NFASC: variants seen among roughly 807,000 people sequenced by gnomAD.
NFASC encodes the protein neurofascin homolog.
In NFASC, 43 loss-of-function variants were observed where a neutral mutation model predicts 147.5. The observed-to-expected ratio is 0.29, with a 90% CI of 0.23 to 0.38. The LOEUF is 0.38. Ranked by LOEUF, NFASC falls within the 10% of genes least tolerant of loss-of-function variation. The probability of loss-of-function intolerance (pLI) is 1.00; values close to 1 mark genes in which losing one functional copy is unlikely to be tolerated. For synonymous variants in NFASC, 622 were observed against 665.5 expected (o/e 0.93, Z 1.01); for missense variants, 1,320 against 1,689.0 (o/e 0.78, Z 3.83).
At position 204,993,708 on chromosome 1, in the gene NFASC, C is replaced by T. The variant is rs528633641; in HGVS notation, c.2782+2402C>T. ...CTGATGGTCTCCACTGAGCACTGGC[C>T]AGGATTGCTTCCAAACCTGTAGCTC... On this transcript the variant is annotated intron_variant, in intron 24 of 29. Transcript: ENST00000339876. The T allele has an allele frequency of 6.8e-4, 346 of 506,394 alleles. 1 individual carries two copies. The highest frequency in any genetic ancestry group is 4.2e-3 in the Middle Eastern group (13 of 3,120). 31.4% of individuals were successfully genotyped at this position (506,394 alleles called of 1,614,324 possible).
At chr1:204,915,233 A>G (rs2088891467) in intron 1 of NFASC, among the ~76,000 whole-genome samples, 2 of 152,218 alleles carry the variant, frequency 1.3e-5, no homozygotes, top group Non-Finnish European at 2.9e-5. Flanking sequence ...GTGAGCCAAG[A>G]TAGCACCACT....
chr1:204,852,205 A>G (rs2075757625), intron 1 of NFASC, among the ~76,000 whole-genome samples: 1 of 152,172 alleles, frequency 6.6e-6, no homozygotes, highest in Non-Finnish European at 1.5e-5. Flanking sequence ...CCCCAAATAG[A>G]AAGTGGAGTA....
At position 204,857,916 on chromosome 1, in the gene NFASC, C is replaced by CTTTTTTTTT. The variant is rs777663775; in HGVS notation, c.-200+29136_-200+29137insTTTTTTTTT. 2.2e-4 allele frequency among the ~76,000 whole-genome samples: 30 copies of CTTTTTTTTT among 133,686 alleles called. 2 individuals carry two copies. Among genetic ancestry groups the CTTTTTTTTT allele is most frequent in the African/African-American group, 6.7e-4 (22 of 32,930 alleles). The allele number at this position is 133,686 out of a possible 152,430, so 87.7% of individuals were successfully genotyped here. ...TCTGTGTCCTAGTCTCCTTCTTCTT[C>CTTTTTTTTT]TTCTTTTTTTTTTTTTTTTTGAGAT... On this transcript the variant is annotated intron_variant, in intron 1 of 29. Transcript: ENST00000339876.
At chr1:204,957,556 G>A (rs541754263) in intron 7 of NFASC, 100 bp from the exon 8 acceptor site, 25 of 1,096,960 alleles carry the variant, frequency 2.3e-5, no homozygotes, top group South Asian at 1.1e-4. Flanking sequence ...GCTCCTGGTC[G>A]CCACCTGACC....
At chr1:204,918,584 C>CTT (rs71147720) in intron 1 of NFASC, among the ~76,000 whole-genome samples, 1,300 of 124,762 alleles carry the variant, frequency 0.01, 38 homozygotes, top group African/African-American at 0.023. Context: ...TTCTTTGAAA[C>CTT]TTTTTTTTTT....
chr1:204,905,999 C>T (rs1273925822), intron 1 of NFASC, among the ~76,000 whole-genome samples: 2 of 152,174 alleles, frequency 1.3e-5, no homozygotes, highest in Admixed American at 6.5e-5. Flanking sequence ...ATTTCCCAGA[C>T]CACCAATGTG....
chr1:204,968,383 C>T lies in NFASC; in HGVS notation c.818+23C>T, dbSNP rs1037945182. 4.5e-6 allele frequency: 7 copies of T among 1,557,224 alleles called. No homozygotes were observed. In the African/African-American group the frequency reaches 8.1e-5, roughly 18 times the overall value. On this transcript the variant is annotated intron_variant, in intron 9 of 29. Coordinates refer to ENST00000339876, the MANE Select transcript of NFASC (RefSeq NM_001005388.3). The surrounding 1 kb of genome is among the most constrained non-coding windows in gnomAD (Gnocchi z 5.4). Reference sequence around the variant, plus strand: ...GGTGTATGTGCGGTTTGCAGCCCCTCTTCTAGCCACCCTCCAGGAGGATGG... The same window carrying T: ...GGTGTATGTGCGGTTTGCAGCCCCTTTTCTAGCCACCCTCCAGGAGGATGG...
chr1:204,982,494 G>T (rs1187654475), intron 21 of NFASC, among the ~76,000 whole-genome samples: 1 of 152,214 alleles, frequency 6.6e-6, no homozygotes, highest in East Asian at 1.9e-4. Flanking sequence ...AGCCTTGAGG[G>T]ATCAGGAGGC....
intron 1 of NFASC, among the ~76,000 whole-genome samples, chr1:204,904,185 C>T (rs1053204294): frequency 2.0e-5 from 3 of 152,212 alleles, no homozygotes; most frequent in African/African-American, 4.8e-5. Context: ...ACAGCCTCCA[C>T]CTCCCAGCCT....
intron 2 of NFASC, among the ~76,000 whole-genome samples, chr1:204,941,609 G>C (rs1415877022): frequency 3.3e-5 from 5 of 152,148 alleles, no homozygotes; most frequent in Non-Finnish European, 4.4e-5. Flanking sequence ...CAGCACTAAG[G>C]GTTCAGTTGC....
intron 2 of NFASC, among the ~76,000 whole-genome samples, chr1:204,937,121 A>G (rs999538740): frequency 2.6e-5 from 4 of 151,852 alleles, no homozygotes; most frequent in African/African-American, 9.7e-5. Context: ...ACTTTATTAC[A>G]TCACATCAAT....
chr1:204,873,345 C>T (rs2078094774), intron 1 of NFASC, among the ~76,000 whole-genome samples: 2 of 152,144 alleles, frequency 1.3e-5, no homozygotes, highest in South Asian at 4.1e-4. Flanking sequence ...AGGGAGCAAC[C>T]AGCCAGCAGC....
intron 2 of NFASC, among the ~76,000 whole-genome samples, chr1:204,940,816 A>C (rs1204798237): frequency 1.3e-5 from 2 of 152,212 alleles, no homozygotes; most frequent in Non-Finnish European, 2.9e-5. Context: ...GGGTATATAC[A>C]TACTGGAATT....
chr1:204,955,813 C>T (rs1230978353), intron 7 of NFASC, among the ~76,000 whole-genome samples: 2 of 152,144 alleles, frequency 1.3e-5, no homozygotes, highest in South Asian at 4.1e-4. Flanking sequence ...TATATCTCCA[C>T]CTACGTACCT....
intron 8 of NFASC, among the ~76,000 whole-genome samples, chr1:204,966,346 C>A (rs2094949502): frequency 6.6e-6 from 1 of 152,142 alleles, no homozygotes; most frequent in African/African-American, 2.4e-5. Context: ...TTGGTTTCTG[C>A]AGATTTCCTC....
intron 1 of NFASC, among the ~76,000 whole-genome samples, chr1:204,899,288 G>A (rs2084037119): frequency 6.6e-6 from 1 of 152,192 alleles, no homozygotes; most frequent in African/African-American, 2.4e-5. Flanking sequence ...AAAATTAGAA[G>A]CCAGTGGAAA....
chr1:204,901,095 G>A (rs1316583168), intron 1 of NFASC, among the ~76,000 whole-genome samples: 2 of 152,290 alleles, frequency 1.3e-5, no homozygotes, highest in East Asian at 1.9e-4. Flanking sequence ...AATGGGAAAG[G>A]CTGTGTGTGG....
In NFASC at chr1:204,975,233, G is replaced by A. The variant is rs2095370540; in HGVS notation, c.1559-38G>A. ...TGGCCGCATGGGGATGCTGGGCAGA[G>A]AACAGGCCAGTGGCGAGTGCTCTGG... is the stretch of plus-strand genomic sequence containing the variant. On this transcript the variant is annotated intron_variant, in intron 14 of 29. Coordinates refer to ENST00000339876, the MANE Select transcript of NFASC (RefSeq NM_001005388.3). The surrounding 1 kb of genome is among the most constrained non-coding windows in gnomAD (Gnocchi z 4.0). 9 of 1,578,174 alleles carry A rather than the reference G, an allele frequency of 5.7e-6. 1 individual carries two copies. The highest frequency in any genetic ancestry group is 2.2e-4 in the Middle Eastern group (1 of 4,648).
At chr1:204,894,565 C>T (rs929142556) in intron 1 of NFASC, among the ~76,000 whole-genome samples, 1 of 152,104 alleles carries the variant, frequency 6.6e-6, no homozygotes, top group African/African-American at 2.4e-5. Context: ...TCTTGTTGGC[C>T]CTCTGTTATT....
Sources: allele counts gnomAD v4.1 joint callset (sites outside exome capture counted in the v4.1 genomes callset), GRCh38; gene constraint gnomAD v4.1.1; non-coding constraint Gnocchi (gnomAD v3.1); transcripts MANE v1.5; gene names NCBI Gene and HGNC (gene_info 2026-07-23, HGNC 2026-07-21).